The following RBPJ variants were observed in gnomAD, a reference collection of about 807,000 sequenced individuals.
RBPJ encodes recombination signal binding protein for immunoglobulin kappa J region, also known as recombining binding protein suppressor of hairless.
In RBPJ, 9 loss-of-function variants were observed where a neutral mutation model predicts 67.8. That is an observed-to-expected ratio of 0.13 (90% CI 0.08 to 0.23). The LOEUF (loss-of-function observed/expected upper bound fraction) is 0.23. RBPJ is among the 10% of genes least tolerant of loss of function. The pLI, the probability that RBPJ is intolerant of heterozygous loss-of-function variation, is 1.00. For synonymous variants in RBPJ, 198 were observed against 203.3 expected, an observed-to-expected ratio of 0.97 and a Z score of 0.22; for missense variants, 305 against 595.6, an observed-to-expected ratio of 0.51 and a Z score of 5.08.
Position 26,183,900 on chromosome 4 carries a change from T to C in RBPJ, c.-167+20286T>C, listed in dbSNP as rs111924772. Among the ~76,000 whole-genome samples the C allele has an allele frequency of 9.9e-3, 1,499 of 152,118 alleles. 24 individuals are homozygous for C. Among genetic ancestry groups the C allele is most frequent in the African/African-American group, 0.035 (1,451 of 41,478 alleles). On this transcript the variant is annotated intron_variant, in intron 1 of 4. Coordinates refer to the RBPJ transcript ENST00000512351. ...GGAGGCACGCACCTGTAGTCTCAGC[T>C]ACTTGGGAGGCTGAGGCAGGAGAAT...
the RBPJ span, among the ~76,000 whole-genome samples, chr4:26,109,460 C>CTATATATATATATA: frequency 9.5e-4 from 14 of 14,692 alleles, no homozygotes; most frequent in East Asian, 1.6e-3. Context: ...CTCTCTCTCT[C>CTATATATATATATA]TATATATATA....
chr4:26,255,309 C>A (rs1440961763), intron 1 of RBPJ, among the ~76,000 whole-genome samples: 1 of 120,984 alleles, frequency 8.3e-6, no homozygotes, highest in Non-Finnish European at 1.6e-5. Flanking sequence ...GAGGCTGAGG[C>A]AGGAGAATGG....
In RBPJ at chr4:26,424,261, T is replaced by C; in HGVS notation, c.497-81T>C. On this transcript the variant is annotated intron_variant, in intron 5 of 10. Transcript: ENST00000355476. The surrounding 1 kb of genome is among the most constrained non-coding windows in gnomAD (Gnocchi z 5.3). ...ATGATAAGAAAGAATAATTATACAC[T>C]GCCAAGCAGAATTTCCTTCTTTTGC... 1.5e-6 allele frequency: 2 copies of C among 1,326,714 alleles called. No individual in the cohort carries two copies. The highest frequency in any genetic ancestry group is 2.1e-6 in the Non-Finnish European group (2 of 936,974). 82.2% of individuals were successfully genotyped at this position (1,326,714 alleles called of 1,614,324 possible).
At position 26,431,219 on chromosome 4, in the gene RBPJ, A is replaced by T; in HGVS notation, c.*212A>T. ...AAAAAAAAAAAAAAAAAAGAAAAAA[A>T]AATCAAAATGTATAAATATTGGAAA... On this transcript the variant is annotated 3_prime_UTR_variant, in exon 11 of 11. Coordinates refer to ENST00000355476, the MANE Select transcript of RBPJ (RefSeq NM_015874.6). The T allele has an allele frequency of 2.3e-6, 1 of 434,740 alleles. No individual in the cohort carries two copies. The highest frequency in any genetic ancestry group is 4.0e-6 in the Non-Finnish European group (1 of 247,940). 26.9% of individuals were successfully genotyped at this position (434,740 alleles called of 1,614,324 possible).
At chr4:26,317,428 G>A (rs1722691077), upstream of RBPJ, among the ~76,000 whole-genome samples, 1 of 152,172 alleles carries the variant, frequency 6.6e-6, no homozygotes, top group African/African-American at 2.4e-5. Context: ...CCCACAGAGT[G>A]AGAGGTAGAG....
intron 2 of RBPJ, among the ~76,000 whole-genome samples, chr4:26,404,673 T>C (rs566159402): frequency 1.3e-5 from 2 of 152,222 alleles, no homozygotes; most frequent in East Asian, 1.9e-4. Flanking sequence ...GTTAAAGTGC[T>C]TAGTTCAAGG....
chr4:26,192,111 T>G lies in RBPJ; in HGVS notation c.-167+28497T>G, dbSNP rs1717579635. Among the ~76,000 whole-genome samples, 3 of 151,574 alleles carry G rather than the reference T, an allele frequency of 2.0e-5. No homozygotes were observed. The East Asian group carries it at 5.8e-4, about 29-fold the overall frequency. Reference sequence around the variant, plus strand: ...GCAACCTCTGCCTCCCAGGTTCAAGTGATTCTCCTACCTCAGCCTCCCAAG... The same window carrying G: ...GCAACCTCTGCCTCCCAGGTTCAAGGGATTCTCCTACCTCAGCCTCCCAAG... On this transcript the variant is annotated intron_variant, in intron 1 of 4. Transcript: ENST00000512351.
intron 1 of RBPJ, among the ~76,000 whole-genome samples, chr4:26,329,623 G>A (rs185851267): frequency 5.5e-4 from 84 of 152,254 alleles, no homozygotes; most frequent in African/African-American, 1.8e-3. Flanking sequence ...GGCTGGGCGC[G>A]GTGGCTCACG....
At chr4:26,235,136 C>T (rs1291681627) in intron 1 of RBPJ, among the ~76,000 whole-genome samples, 1 of 152,104 alleles carries the variant, frequency 6.6e-6, no homozygotes, top group African/African-American at 2.4e-5. Flanking sequence ...AAAAAAAAAC[C>T]TTGCTTAATC....
intron 3 of RBPJ, among the ~76,000 whole-genome samples, chr4:26,410,659 C>T (rs1733925989): frequency 6.6e-6 from 1 of 152,092 alleles, no homozygotes; most frequent in Non-Finnish European, 1.5e-5. Context: ...GAATAATCAT[C>T]AAAGGTTAGT....
At chr4:26,115,477 T>C in the RBPJ span, among the ~76,000 whole-genome samples, 2 of 152,202 alleles carry the variant, frequency 1.3e-5, no homozygotes, top group African/African-American at 2.4e-5. Flanking sequence ...CTCCGCCTCC[T>C]GGGTTCACGC....
At chr4:26,215,873 G>T (rs1347031856) in intron 1 of RBPJ, among the ~76,000 whole-genome samples, 1 of 152,108 alleles carries the variant, frequency 6.6e-6, no homozygotes, top group African/African-American at 2.4e-5. Context: ...CAGCACATTG[G>T]GGGTGAGGGG....
At chr4:26,414,774 C>A (rs889858089) in intron 3 of RBPJ, among the ~76,000 whole-genome samples, 4 of 152,130 alleles carry the variant, frequency 2.6e-5, no homozygotes, top group Non-Finnish European at 5.9e-5. Context: ...TTTTTGACAA[C>A]TAGCAAAACA....
the RBPJ span, among the ~76,000 whole-genome samples, chr4:26,121,641 G>A: frequency 6.6e-6 from 1 of 151,994 alleles, no homozygotes; most frequent in Non-Finnish European, 1.5e-5. Context: ...TCAACCAGAC[G>A]TAATTACTCT....
chr4:26,286,637 C>T (rs1452199350), intron 1 of RBPJ, among the ~76,000 whole-genome samples: 2 of 152,042 alleles, frequency 1.3e-5, no homozygotes, highest in Non-Finnish European at 2.9e-5. Flanking sequence ...ATTGGGGGAA[C>T]TTCAGGACCA....
At chr4:26,345,679 T>C (rs1340563524) in intron 1 of RBPJ, among the ~76,000 whole-genome samples, 1 of 152,188 alleles carries the variant, frequency 6.6e-6, no homozygotes, top group Non-Finnish European at 1.5e-5. Flanking sequence ...TTATCACAAG[T>C]CCCCTTTCTG....
chr4:26,221,851 C>T (rs1449421273), intron 1 of RBPJ, among the ~76,000 whole-genome samples: 1 of 152,148 alleles, frequency 6.6e-6, no homozygotes, highest in African/African-American at 2.4e-5. Context: ...AGGCTGGGTG[C>T]GGTGACTCAT....
intron 4 of RBPJ, 69 bp downstream of exon 4, chr4:26,415,709 T>G: frequency 6.3e-6 from 9 of 1,428,616 alleles, no homozygotes; most frequent in Non-Finnish European, 8.5e-6. Context: ...CATATTCATT[T>G]TTGTGGTGGA....
chr4:26,109,566 T>C, the RBPJ span, among the ~76,000 whole-genome samples: 3 of 64,302 alleles, frequency 4.7e-5, no homozygotes, highest in Non-Finnish European at 9.6e-5. Context: ...TTCCTCTCTC[T>C]CTCTCTCTCT....
Sources: gnomAD v4.1 joint callset for allele counts (sites outside exome capture counted in the v4.1 genomes callset) on GRCh38, gnomAD v4.1.1 for gene constraint, Gnocchi (gnomAD v3.1) non-coding constraint, MANE v1.5 for transcripts, NCBI Gene and HGNC (gene_info 2026-07-23, HGNC 2026-07-21) for gene names.